ACIN1: variants seen among roughly 807,000 people sequenced by gnomAD.
ACIN1 encodes the protein apoptotic chromatin condensation inducer in the nucleus.
In ACIN1, 16 loss-of-function variants were observed where a neutral mutation model predicts 146.6. The observed-to-expected ratio is 0.11, with a 90% CI of 0.07 to 0.17. The LOEUF (loss-of-function observed/expected upper bound fraction) is 0.17. Ranked by LOEUF, ACIN1 falls within the 10% of genes least tolerant of loss-of-function variation. The pLI, the probability that ACIN1 is intolerant of heterozygous loss-of-function variation, is 1.00. For synonymous variants in ACIN1, 569 were observed against 582.7 expected, an observed-to-expected ratio of 0.98 and a Z score of 0.34; for missense variants, 1,357 against 1,609.3, an observed-to-expected ratio of 0.84 and a Z score of 2.68.
intron 8 of ACIN1, chr14:23,077,823 T>TA (rs138750788): frequency 0.025 from 4,231 of 166,940 alleles, 199 homozygotes; most frequent in African/African-American, 0.095. Context: ...AAACATGAGT[T>TA]AAAGATTAAG....
chr14:23,072,268 T>G (rs183172066), intron 8 of ACIN1, among the ~76,000 whole-genome samples: 1 of 152,264 alleles, frequency 6.6e-6, no homozygotes, highest in African/African-American at 2.4e-5. Context: ...CAGACAACTT[T>G]GTTTTATAGA....
At chr14:23,059,944 C>T (rs568707598) in intron 18 of ACIN1, among the ~76,000 whole-genome samples, 2 of 148,878 alleles carry the variant, frequency 1.3e-5, no homozygotes, top group South Asian at 2.1e-4. Context: ...CGTGAGCCAC[C>T]GCGCCCCGCC....
intron 4 of ACIN1, among the ~76,000 whole-genome samples, chr14:23,087,362 G>T (rs964640788): frequency 1.3e-5 from 2 of 151,938 alleles, no homozygotes; most frequent in African/African-American, 4.8e-5. Context: ...ATGGCATAAA[G>T]GACACTGAAG....
chr14:23,076,273 G>GCT (rs1332436516), intron 8 of ACIN1, among the ~76,000 whole-genome samples: 26 of 152,322 alleles, frequency 1.7e-4, no homozygotes, highest in African/African-American at 5.5e-4. Flanking sequence ...TAGAAGGAAA[G>GCT]CAGGTACGAG....
intron 2 of ACIN1, among the ~76,000 whole-genome samples, chr14:23,092,426 A>T (rs775802978): frequency 2.0e-5 from 3 of 152,246 alleles, no homozygotes; most frequent in Admixed American, 6.5e-5. Context: ...AATGGGCAAA[A>T]GGAATACAAT....
intron 8 of ACIN1, among the ~76,000 whole-genome samples, chr14:23,070,834 G>C (rs1204051277): frequency 6.6e-6 from 1 of 152,134 alleles, no homozygotes; most frequent in Non-Finnish European, 1.5e-5. Context: ...GGGGGGTTAG[G>C]GGGAGGGGAA....
intron 13 of ACIN1, 127 bp from the exon 14 acceptor site, chr14:23,063,201 G>A (rs779629557): frequency 3.7e-5 from 44 of 1,185,524 alleles, no homozygotes; most frequent in African/African-American, 6.2e-5. Flanking sequence ...AACGTGCAGA[G>A]CACCTATAAT....
In ACIN1 at chr14:23,058,839, G is replaced by A. The variant is rs2047176603; in HGVS notation, c.*309C>T. The A allele has an allele frequency of 4.7e-6, 2 of 424,030 alleles. No homozygotes were observed. Among genetic ancestry groups the A allele is most frequent in the Non-Finnish European group, 8.6e-6 (2 of 233,536 alleles). The allele number at this position is 424,030 out of a possible 1,614,324, so 26.3% of individuals were successfully genotyped here. Reference sequence around the variant, plus strand: ...CCAGGGAGGTGGTAAGCAGGATGGAGGAAAAATCAGAGGACTGGGGCACCT... The same window carrying A: ...CCAGGGAGGTGGTAAGCAGGATGGAAGAAAAATCAGAGGACTGGGGCACCT... On this transcript the variant is annotated 3_prime_UTR_variant, in exon 19 of 19. Transcript: ENST00000605057.
Position 23,078,986 on chromosome 14 carries a change from T to C in ACIN1, c.1841A>G (p.Lys614Arg). The C allele has an allele frequency of 6.2e-7, 1 of 1,614,176 alleles. No homozygotes were observed. The highest frequency in any genetic ancestry group is 8.5e-7 in the Non-Finnish European group (1 of 1,180,024). Residue 614 changes from lysine (K) to arginine (R), a missense_variant, in exon 7 of 19, where the codon AAA becomes AGA. Coordinates refer to ENST00000605057, the MANE Select transcript of ACIN1 (RefSeq NM_001386863.1). Reference sequence around the variant, plus strand: ...AACCTCCTGACCAGAAGAGGGATCTTTGGTTTCAGTATAGCTGGTGCTGCT... The same window carrying C: ...AACCTCCTGACCAGAAGAGGGATCTCTGGTTTCAGTATAGCTGGTGCTGCT... The part of the protein sequence containing the change: ...RDSSTSYTET[K>R]DPSSGQEVAT...
At position 23,079,931 on chromosome 14, in the gene ACIN1, A is replaced by C. The variant is rs756028097; in HGVS notation, c.1404T>G (p.Ala468=). The C allele has an allele frequency of 9.9e-6, 16 of 1,613,994 alleles. No homozygotes were observed. Among genetic ancestry groups the C allele is most frequent in the Non-Finnish European group, 1.4e-5 (16 of 1,180,036 alleles). The change falls in exon 6 of 19, where the codon GCT becomes GCG. Residue 468 remains alanine, a synonymous_variant. Transcript: ENST00000605057. ...CCTCAATTTTTAGAGGGAGGGGCTG[A>C]GCAGATCTGTCTGACTCAGGTTCAA... ...KDLEPESDRS[A]QPLPLKIEEL... is the part of the protein sequence containing the mutation.
intron 2 of ACIN1, 146 bp downstream of exon 2, chr14:23,093,333 A>G: frequency 1.3e-6 from 1 of 773,212 alleles, no homozygotes; most frequent in Non-Finnish European, 2.1e-6. Flanking sequence ...ATTAGAATTC[A>G]ACTGTCCTGG....
At chr14:23,069,443 C>T in intron 9 of ACIN1, 33 bp downstream of exon 9, 2 of 1,605,210 alleles carry the variant, frequency 1.2e-6, no homozygotes, top group Non-Finnish European at 1.7e-6. Flanking sequence ...CCATTCCTGC[C>T]CACCCGCCCC....
At chr14:23,093,590 GA>G in intron 1 of ACIN1, 46 bp from the exon 2 acceptor site, 19 of 1,528,028 alleles carry the variant, frequency 1.2e-5, no homozygotes, top group Non-Finnish European at 1.7e-5. Flanking sequence ...GGAAAAAAAA[GA>G]AAAACAAACC....
chr14:23,059,408 C>T lies in ACIN1; in HGVS notation c.3592G>A (p.Glu1198Lys). Residue 1198 changes from glutamate (E) to lysine (K), a missense_variant, in exon 19 of 19, where the codon GAA becomes AAA. By Grantham distance (56) the Glu-to-Lys change is moderately conservative. Transcript: ENST00000605057. ...KEREKRRKEQEEEEQKEREKE... is the reference protein window; with the variant it reads ...KEREKRRKEQKEEEQKEREKE... The stretch of plus-strand genomic sequence containing the variant: ...TCCCGCTCCTTTTGCTCTTCTTCTT[C>T]TTGCTCCTTTCGCCGCTTCTCCCGC... 1 of 1,613,626 alleles carries T rather than the reference C, an allele frequency of 6.2e-7. No homozygotes were observed. Among genetic ancestry groups the T allele is most frequent in the Non-Finnish European group, 8.5e-7 (1 of 1,179,724 alleles).
chr14:23,068,974 ATCACAAGTGCTGGCT>A lies in ACIN1; in HGVS notation c.2265+487_2265+501del. The A allele has an allele frequency of 1.0e-6, 1 of 985,760 alleles. No individual in the cohort carries two copies. Among genetic ancestry groups the A allele is most frequent in the Non-Finnish European group, 1.2e-6 (1 of 830,198 alleles). 61.1% of individuals were successfully genotyped at this position (985,760 alleles called of 1,614,324 possible). A position where few individuals can be genotyped will look rare whatever the true frequency, so the allele number is the denominator to read the frequency against. ...AGGTAACTGAGAATGGGCCTTCCGGATCACAAGTGCTGGCTTCTAAGTAGCTACATCTCTGCAGTC... is the reference window on the plus strand; with the variant it reads ...AGGTAACTGAGAATGGGCCTTCCGGATCTAAGTAGCTACATCTCTGCAGTC... On this transcript the variant is annotated intron_variant, in intron 9 of 18. Coordinates refer to ENST00000605057, the MANE Select transcript of ACIN1 (RefSeq NM_001386863.1). The surrounding 1 kb of genome is among the most constrained non-coding windows in gnomAD (Gnocchi z 4.3).
chr14:23,066,534 T>C (rs1384709003), intron 9 of ACIN1: 1 of 153,138 alleles, frequency 6.5e-6, no homozygotes, highest in Non-Finnish European at 1.4e-5. Context: ...CCACTGACAA[T>C]GGCTTTGAGA....
rs2047335465 is a variant in ACIN1, at chr14:23,062,978, G to A, written c.2834C>T (p.Pro945Leu). The change falls in exon 14 of 19, where the codon CCC (proline) becomes CTC (leucine). Residue 945 changes from proline to leucine, a missense_variant. Pro to Leu is a moderately conservative substitution (Grantham distance 98, BLOSUM62 -3). Coordinates refer to ENST00000605057, the MANE Select transcript of ACIN1 (RefSeq NM_001386863.1). ...GCTAATCTTGCCCCGGGGTGGGGAGGGCACCTGGGCAGTTCGGACTGGGTC... is the reference window on the plus strand; with the variant it reads ...GCTAATCTTGCCCCGGGGTGGGGAGAGCACCTGGGCAGTTCGGACTGGGTC... The part of the protein sequence containing the change: ...IDDPVRTAQV[P>L]SPPRGKISNI... The A allele has an allele frequency of 1.2e-6, 2 of 1,612,838 alleles. No homozygotes were observed. Among genetic ancestry groups the A allele is most frequent in the Admixed American group, 3.4e-5 (2 of 59,564 alleles).
In ACIN1 at chr14:23,094,706, T is replaced by TGGG. The variant is rs2048326063; in HGVS notation, c.138+266_138+268dup. The TGGG allele has an allele frequency of 6.2e-6, 4 of 646,094 alleles. No homozygotes were observed. In the East Asian group the frequency reaches 1.3e-4, roughly 21 times the overall value. 40.0% of individuals were successfully genotyped at this position (646,094 alleles called of 1,614,324 possible). ...ACCACAGATACAAACAAGGAGGGGGTGGGGGAAGGAGGAAGGAGCTTAAGA... is the reference window on the plus strand; with the variant it reads ...ACCACAGATACAAACAAGGAGGGGGTGGGGGGGGAAGGAGGAAGGAGCTTAAGA... On this transcript the variant is annotated intron_variant, in intron 1 of 18. Coordinates refer to ENST00000605057, the MANE Select transcript of ACIN1 (RefSeq NM_001386863.1).
chr14:23,078,698 G>T, intron 7 of ACIN1, 122 bp downstream of exon 7: 3 of 1,034,658 alleles, frequency 2.9e-6, no homozygotes, highest in Admixed American at 2.7e-5. Context: ...GGATTAACAG[G>T]TATCCACCAC....
Sources: gnomAD v4.1 joint callset for allele counts (sites outside exome capture counted in the v4.1 genomes callset) on GRCh38, gnomAD v4.1.1 for gene constraint, Gnocchi (gnomAD v3.1) non-coding constraint, MANE v1.5 for transcripts, NCBI Gene and HGNC (gene_info 2026-07-23, HGNC 2026-07-21) for gene names.